Variants in TMEM178B observed in about 807,000 individuals in gnomAD.
The protein encoded by TMEM178B is transmembrane protein 178B.
TMEM178B carries 5 observed loss-of-function variants against 31.0 expected under a neutral mutation model. That is an observed-to-expected ratio of 0.16 (90% CI 0.08 to 0.34). TMEM178B has a LOEUF of 0.34. Ranked by LOEUF, TMEM178B falls within the 10% of genes least tolerant of loss-of-function variation. TMEM178B has a pLI of 1.00. For missense variants in TMEM178B, 275 were observed against 400.3 expected, an observed-to-expected ratio of 0.69 and a Z score of 2.67; for synonymous variants, 164 against 164.0, an observed-to-expected ratio of 1.00 and a Z score of 0.00.
chr7:141,391,031 A>G (rs569772551), intron 2 of TMEM178B, among the ~76,000 whole-genome samples: 7 of 152,154 alleles, frequency 4.6e-5, no homozygotes, highest in Non-Finnish European at 1.0e-4. Context: ...ATGGGAAAGG[A>G]AGAGAGAGTT....
At chr7:141,176,016 G>C (rs1796427740) in intron 1 of TMEM178B, among the ~76,000 whole-genome samples, 1 of 152,148 alleles carries the variant, frequency 6.6e-6, no homozygotes, top group South Asian at 2.1e-4. Flanking sequence ...TGGTGAGAGA[G>C]GGCATCCTTG....
intron 2 of TMEM178B, among the ~76,000 whole-genome samples, chr7:141,286,653 A>T (rs1394087269): frequency 6.6e-6 from 1 of 152,214 alleles, no homozygotes; most frequent in African/African-American, 2.4e-5. Flanking sequence ...CACAGACAAG[A>T]GGACCCTAAG....
intron 1 of TMEM178B, among the ~76,000 whole-genome samples, chr7:141,080,405 G>A (rs1234337292): frequency 1.3e-5 from 2 of 152,166 alleles, no homozygotes; most frequent in East Asian, 1.9e-4. Flanking sequence ...CGGATTACGA[G>A]GTCAAGAGAT....
chr7:141,301,883 C>G (rs1474657829), intron 2 of TMEM178B, among the ~76,000 whole-genome samples: 3 of 152,166 alleles, frequency 2.0e-5, no homozygotes, highest in Non-Finnish European at 4.4e-5. Flanking sequence ...AGTGAGCACC[C>G]AAACAACTCC....
intron 2 of TMEM178B, among the ~76,000 whole-genome samples, chr7:141,324,218 A>G (rs1207084594): frequency 2.6e-5 from 4 of 152,108 alleles, no homozygotes; most frequent in Admixed American, 1.3e-4. Flanking sequence ...TCATAGGATC[A>G]TAGCCTGAAG....
chr7:141,291,711 G>A (rs1798549135), intron 2 of TMEM178B, among the ~76,000 whole-genome samples: 1 of 151,994 alleles, frequency 6.6e-6, no homozygotes. Context: ...TCAGTTTTGT[G>A]GGAAATGTAG....
chr7:141,371,317 TC>T (rs1400492569), intron 2 of TMEM178B, among the ~76,000 whole-genome samples: 5 of 151,650 alleles, frequency 3.3e-5, no homozygotes, highest in Non-Finnish European at 5.9e-5. Context: ...GCCTGATACC[TC>T]CCCACCTCTC....
intron 2 of TMEM178B, among the ~76,000 whole-genome samples, chr7:141,273,931 G>A (rs968432517): frequency 6.6e-6 from 1 of 152,216 alleles, no homozygotes; most frequent in Non-Finnish European, 1.5e-5. Context: ...CCTACTCCTA[G>A]GTTTCTTCCT....
At chr7:141,255,215 G>T (rs1563132999) in intron 2 of TMEM178B, among the ~76,000 whole-genome samples, 1 of 152,174 alleles carries the variant, frequency 6.6e-6, no homozygotes, top group East Asian at 1.9e-4. Flanking sequence ...GGCATCAGAG[G>T]CAGAGCTGGG....
chr7:141,379,741 T>C (rs1307348612), intron 2 of TMEM178B, among the ~76,000 whole-genome samples: 2 of 152,202 alleles, frequency 1.3e-5, no homozygotes, highest in Non-Finnish European at 2.9e-5. Context: ...TGGTACCTTA[T>C]ATCCGTTTTC....
At chr7:141,304,785 A>T (rs1042353241) in intron 2 of TMEM178B, among the ~76,000 whole-genome samples, 1 of 152,104 alleles carries the variant, frequency 6.6e-6, no homozygotes, top group Non-Finnish European at 1.5e-5. Flanking sequence ...CTCCTAGTCC[A>T]GTTCTCTTCA....
In TMEM178B at chr7:141,477,106, G is replaced by C. The variant is rs756144121; in HGVS notation, c.*6320G>C. ...TGGCTGAGCTTTTCCTTTCCTTTCC[G>C]GGTCACCCATAGACCCTCTCCGTCT... On this transcript the variant is annotated 3_prime_UTR_variant, in exon 4 of 4. Transcript: ENST00000565468. 1 of 154,794 alleles carries C rather than the reference G, an allele frequency of 6.5e-6. No homozygotes were observed. The highest frequency in any genetic ancestry group is 2.4e-5 in the African/African-American group (1 of 41,452). The allele number at this position is 154,794 out of a possible 1,614,324, so 9.6% of individuals were successfully genotyped here. A position where few individuals can be genotyped will look rare whatever the true frequency, so the allele number is the denominator to read the frequency against.
rs776626961 is a variant in TMEM178B at position 141,184,594 on chromosome 7, T to C, written c.383-27997T>C. ...TCAATTTCACCTACTTGTGCTGCCT[T>C]GGGTGTGTGGCAATGTCTTGTGGGG... On this transcript the variant is annotated intron_variant, in intron 1 of 3. Coordinates refer to ENST00000565468, the MANE Select transcript of TMEM178B (RefSeq NM_001195278.2). Among the ~76,000 whole-genome samples, 23 of 152,306 alleles carry C rather than the reference T, an allele frequency of 1.5e-4. 1 individual carries two copies. The highest frequency in any genetic ancestry group is 2.6e-4 in the Non-Finnish European group (18 of 68,024).
intron 2 of TMEM178B, among the ~76,000 whole-genome samples, chr7:141,289,714 C>CAAAAAAAAAAAAAAAA (rs35000633): frequency 1.1e-5 from 1 of 92,382 alleles, no homozygotes; most frequent in African/African-American, 4.3e-5. Flanking sequence ...GACCCTGTCT[C>CAAAAAAAAAAAAAAAA]AAAAAAAAAA....
At chr7:141,302,419 CTT>C (rs1281720527) in intron 2 of TMEM178B, among the ~76,000 whole-genome samples, 1 of 152,136 alleles carries the variant, frequency 6.6e-6, no homozygotes, top group Non-Finnish European at 1.5e-5. Context: ...GTCAAATTGA[CTT>C]TGAGTAGTCA....
chr7:141,263,234 G>A (rs777811586), intron 2 of TMEM178B, among the ~76,000 whole-genome samples: 5 of 151,182 alleles, frequency 3.3e-5, no homozygotes, highest in African/African-American at 4.8e-5. Context: ...ACTGACCTCT[G>A]GCTTCCCTGA....
intron 2 of TMEM178B, among the ~76,000 whole-genome samples, chr7:141,237,916 G>A (rs556783936): frequency 2.0e-5 from 3 of 151,928 alleles, no homozygotes; most frequent in African/African-American, 7.2e-5. Context: ...TCAGCTACTC[G>A]GGAGGCTGAG....
chr7:141,312,425 T>A (rs1173031551), intron 2 of TMEM178B, among the ~76,000 whole-genome samples: 2 of 152,228 alleles, frequency 1.3e-5, no homozygotes, highest in Admixed American at 1.3e-4. Flanking sequence ...ATGAAGCTAT[T>A]CTGTGGCTAA....
chr7:141,266,983 G>A (rs559125401), intron 2 of TMEM178B, among the ~76,000 whole-genome samples: 20 of 152,198 alleles, frequency 1.3e-4, no homozygotes, highest in Non-Finnish European at 2.8e-4. Context: ...CTGAAATGAG[G>A]CAATCCTTCT....
Sources: allele counts gnomAD v4.1 joint callset (sites outside exome capture counted in the v4.1 genomes callset), GRCh38; gene constraint gnomAD v4.1.1; transcripts MANE v1.5; gene names NCBI Gene and HGNC (gene_info 2026-07-23, HGNC 2026-07-21).